Variants in ARHGAP26 observed in about 807,000 individuals in gnomAD.
ARHGAP26 encodes the protein Rho GTPase activating protein 26.
In ARHGAP26, 38 loss-of-function variants were observed where a neutral mutation model predicts 104.8. The ratio of observed to expected loss-of-function variants is 0.36; its 90% CI spans 0.28 to 0.48. The LOEUF is 0.48. Among genes scored for constraint, ARHGAP26 ranks in the 20% least tolerant of loss-of-function variants. The pLI is 0.99. For synonymous variants in ARHGAP26, 341 were observed against 340.0 expected, an observed-to-expected ratio of 1.00 and a Z score of -0.03; for missense variants, 704 against 947.9, an observed-to-expected ratio of 0.74 and a Z score of 3.38.
intron 20 of ARHGAP26, among the ~76,000 whole-genome samples, chr5:143,200,023 G>A (rs534984834): frequency 1.3e-5 from 2 of 152,244 alleles, no homozygotes; most frequent in South Asian, 2.1e-4. Flanking sequence ...TTGTCAAAAT[G>A]CCCTTTGGAA....
At chr5:143,095,835 G>A (rs966152615) in intron 17 of ARHGAP26, among the ~76,000 whole-genome samples, 1 of 152,218 alleles carries the variant, frequency 6.6e-6, no homozygotes, top group Non-Finnish European at 1.5e-5. Context: ...GCCTCCCAAA[G>A]TGCTGGGATT....
Position 142,770,824 on chromosome 5 carries a change from G to C in ARHGAP26, c.63G>C (p.Thr21=). The change falls in exon 1 of 23, where the codon ACG becomes ACC. Residue 21 remains threonine, a synonymous_variant. Transcript: ENST00000645722. ...TCGATAGTCCGCACTTCCGAGAGAC[G>C]CTCAAGTCGCACGAAGCAGAGCTGG... ...CCLDSPHFRE[T]LKSHEAELDK... 1 of 1,609,760 alleles carries C rather than the reference G, an allele frequency of 6.2e-7. No individual in the cohort carries two copies. The highest frequency in any genetic ancestry group is 8.5e-7 in the Non-Finnish European group (1 of 1,177,894).
intron 11 of ARHGAP26, among the ~76,000 whole-genome samples, chr5:142,967,347 T>C (rs1771539807): frequency 6.6e-6 from 1 of 152,180 alleles, no homozygotes. Context: ...TCAGTTTAAC[T>C]TCTGATGGTG....
intron 20 of ARHGAP26, among the ~76,000 whole-genome samples, chr5:143,174,017 A>G (rs1562552358): frequency 1.3e-5 from 2 of 152,160 alleles, no homozygotes; most frequent in Non-Finnish European, 2.9e-5. Context: ...CCTGTGTGTA[A>G]AGCAGGAAGG....
intron 13 of ARHGAP26, among the ~76,000 whole-genome samples, chr5:143,041,048 A>G (rs550685144): frequency 7.2e-5 from 11 of 152,346 alleles, no homozygotes; most frequent in African/African-American, 2.2e-4. Flanking sequence ...CTGGAGCTCT[A>G]TTACTTGAGA....
intron 17 of ARHGAP26, among the ~76,000 whole-genome samples, chr5:143,062,624 A>T (rs1786890148): frequency 1.3e-5 from 2 of 151,932 alleles, no homozygotes; most frequent in Admixed American, 1.3e-4. Flanking sequence ...TGATCTAGAA[A>T]CAGTGAATTG....
At chr5:142,944,250 A>G (rs1369879329) in intron 11 of ARHGAP26, among the ~76,000 whole-genome samples, 1 of 152,200 alleles carries the variant, frequency 6.6e-6, no homozygotes, top group Non-Finnish European at 1.5e-5. Context: ...TTGACATAAT[A>G]ATAGCTTTAG....
chr5:142,947,637 G>A (rs921693317), intron 11 of ARHGAP26, among the ~76,000 whole-genome samples: 3 of 152,156 alleles, frequency 2.0e-5, no homozygotes, highest in Middle Eastern at 3.2e-3. Context: ...ATTACTCACT[G>A]AATTAACTTG....
chr5:142,949,202 AG>A (rs1379813909), intron 11 of ARHGAP26, among the ~76,000 whole-genome samples: 1 of 21,484 alleles, frequency 4.7e-5, no homozygotes, highest in Non-Finnish European at 7.7e-5. Context: ...AGAGAGAGAG[AG>A]AGAGAGAGAG....
intron 11 of ARHGAP26, among the ~76,000 whole-genome samples, chr5:142,999,104 T>G (rs1320149009): frequency 1.3e-5 from 2 of 152,230 alleles, no homozygotes; most frequent in African/African-American, 2.4e-5. Flanking sequence ...AAAGCTGGTT[T>G]GTTTCAGGCC....
At chr5:143,136,030 C>T (rs1797870865) in intron 19 of ARHGAP26, among the ~76,000 whole-genome samples, 1 of 152,208 alleles carries the variant, frequency 6.6e-6, no homozygotes, top group African/African-American at 2.4e-5. Flanking sequence ...CAGCCACGGT[C>T]ACCTAATGTT....
chr5:143,209,688 G>A (rs1005900299), intron 21 of ARHGAP26, among the ~76,000 whole-genome samples: 1 of 152,076 alleles, frequency 6.6e-6, no homozygotes, highest in African/African-American at 2.4e-5. Context: ...GGCTAAGGCA[G>A]GAGGATTGCT....
rs760073558 is a variant in ARHGAP26, at chr5:142,822,581, C to CAT, written c.155-50807_155-50806dup. Among the ~76,000 whole-genome samples the CAT allele has an allele frequency of 3.3e-4, 49 of 149,972 alleles. 1 individual carries two copies. Among genetic ancestry groups the CAT allele is most frequent in the Non-Finnish European group, 3.1e-4 (21 of 67,450 alleles). ...GTTTGTGTACATATTTATCAGATAC[C>CAT]ATATATATATATAGCTGATATATAT... On this transcript the variant is annotated intron_variant, in intron 1 of 22. Coordinates refer to ENST00000645722, the MANE Select transcript of ARHGAP26 (RefSeq NM_001135608.3).
At chr5:142,877,616 G>A (rs138042282) in intron 3 of ARHGAP26, among the ~76,000 whole-genome samples, 15 of 152,332 alleles carry the variant, frequency 9.8e-5, no homozygotes, top group African/African-American at 3.1e-4. Context: ...ATGGCTGGGC[G>A]AAGGACTTGG....
intron 21 of ARHGAP26, among the ~76,000 whole-genome samples, chr5:143,211,161 A>T (rs1438165328): frequency 6.6e-6 from 1 of 152,238 alleles, no homozygotes; most frequent in Non-Finnish European, 1.5e-5. Context: ...GCTTTTAAGA[A>T]GATAAGACTT....
rs11375975 is a variant in ARHGAP26 at position 142,978,747 on chromosome 5, C to CTTT, written c.1108-35317_1108-35315dup. 6.1e-3 allele frequency among the ~76,000 whole-genome samples: 754 copies of CTTT among 124,618 alleles called. 7 individuals carry two copies. Among genetic ancestry groups the CTTT allele is most frequent in the African/African-American group, 0.021 (719 of 34,086 alleles). 81.8% of individuals were successfully genotyped at this position (124,618 alleles called of 152,430 possible). ...GCTTTATGTCAAGAAAGGAGTTTGC[C>CTTT]TTTTTTTTTTTTTTTTTTGTAAAAA... is the stretch of plus-strand genomic sequence containing the variant. On this transcript the variant is annotated intron_variant, in intron 11 of 22. Transcript: ENST00000645722.
intron 14 of ARHGAP26, among the ~76,000 whole-genome samples, chr5:143,044,447 C>T (rs570461877): frequency 5.3e-5 from 8 of 152,118 alleles, no homozygotes; most frequent in African/African-American, 9.7e-5. Context: ...ACCATGTTGG[C>T]AGAAGGCTCC....
At chr5:143,084,644 G>T (rs772624798) in intron 17 of ARHGAP26, among the ~76,000 whole-genome samples, 1 of 152,094 alleles carries the variant, frequency 6.6e-6, no homozygotes, top group African/African-American at 2.4e-5. Flanking sequence ...CTCCAGCCTC[G>T]CCTGTCTCCA....
chr5:142,873,134 A>G (rs1755566067), intron 1 of ARHGAP26, among the ~76,000 whole-genome samples: 1 of 152,236 alleles, frequency 6.6e-6, no homozygotes, highest in Non-Finnish European at 1.5e-5. Flanking sequence ...TGTCAAACGG[A>G]GATGACAAGT....
Sources: allele counts gnomAD v4.1 joint callset (sites outside exome capture counted in the v4.1 genomes callset), GRCh38; gene constraint gnomAD v4.1.1; transcripts MANE v1.5; gene names NCBI Gene and HGNC (gene_info 2026-07-23, HGNC 2026-07-21).